Variants in AMPH observed in about 807,000 individuals in gnomAD.
AMPH encodes the protein amphiphysin (Stiff-Mann syndrome with breast cancer 128kD autoantigen).
In AMPH, 49 loss-of-function variants were observed where a neutral mutation model predicts 99.1. The observed-to-expected ratio is 0.49, with a 90% CI of 0.39 to 0.63. AMPH has a LOEUF of 0.63. Among genes scored for constraint, AMPH ranks in the 20% least tolerant of loss-of-function variants. The probability of loss-of-function intolerance (pLI) is 0.00; values close to 1 mark genes in which losing one functional copy is unlikely to be tolerated. For synonymous variants in AMPH, 314 were observed against 317.3 expected (o/e 0.99, Z 0.11); for missense variants, 759 against 863.4 (o/e 0.88, Z 1.52).
intron 14 of AMPH, 45 bp from the exon 15 acceptor site, chr7:38,427,031 C>T: frequency 6.4e-7 from 1 of 1,556,250 alleles, no homozygotes; most frequent in Non-Finnish European, 8.9e-7. Context: ...TTTTCATTAT[C>T]ATTTTGTAGG....
At chr7:38,452,746 G>T (rs1165636687) in intron 11 of AMPH, among the ~76,000 whole-genome samples, 1 of 152,170 alleles carries the variant, frequency 6.6e-6, no homozygotes. Context: ...TTAAACAGTG[G>T]CTCCCACAGT....
Position 38,468,719 on chromosome 7 carries a change from G to C in AMPH, c.591-2471C>G, listed in dbSNP as rs550944903. Among the ~76,000 whole-genome samples the C allele has an allele frequency of 6.6e-5, 10 of 152,300 alleles. No individual in the cohort carries two copies. In the South Asian group the frequency reaches 2.1e-3, roughly 32 times the overall value. On this transcript the variant is annotated intron_variant, in intron 7 of 20. Transcript: ENST00000356264. The stretch of plus-strand genomic sequence containing the variant: ...TTCACTATTACAGCCCTAGCACCTA[G>C]TACACGGCAAGCATGAGTAAATGAA...
At chr7:38,594,081 C>T (rs1792961394) in intron 1 of AMPH, among the ~76,000 whole-genome samples, 2 of 151,938 alleles carry the variant, frequency 1.3e-5, no homozygotes, top group Non-Finnish European at 2.9e-5. Flanking sequence ...CAGGGGGTCA[C>T]GGGAAGAAGC....
chr7:38,441,338 A>G (rs1243022383), intron 11 of AMPH, among the ~76,000 whole-genome samples: 2 of 152,150 alleles, frequency 1.3e-5, no homozygotes, highest in Non-Finnish European at 2.9e-5. Flanking sequence ...AAAATAAGCA[A>G]TGGTATAAAA....
chr7:38,529,773 A>C (rs1389738257), intron 2 of AMPH, among the ~76,000 whole-genome samples: 1 of 152,272 alleles, frequency 6.6e-6, no homozygotes, highest in African/African-American at 2.4e-5. Flanking sequence ...ATACATTAAT[A>C]TATTCACATC....
At chr7:38,395,641 A>T (rs1326773194) in intron 17 of AMPH, among the ~76,000 whole-genome samples, 6 of 152,214 alleles carry the variant, frequency 3.9e-5, no homozygotes, top group Admixed American at 3.9e-4. Context: ...CGGGACACAT[A>T]TTTCAAAAAT....
At chr7:38,531,878 T>G (rs932735932) in intron 2 of AMPH, among the ~76,000 whole-genome samples, 5 of 152,222 alleles carry the variant, frequency 3.3e-5, no homozygotes, top group Non-Finnish European at 7.3e-5. Context: ...TTAGAGTATG[T>G]AGCCTTTAGA....
At chr7:38,562,427 AGCATCAAGAAGGAATC>A (rs1308414943) in intron 1 of AMPH, among the ~76,000 whole-genome samples, 2 of 152,344 alleles carry the variant, frequency 1.3e-5, no homozygotes, top group East Asian at 3.9e-4. Flanking sequence ...ATACTTTGAC[AGCATCAAGAAGGAATC>A]GCTAGTTCAT....
chr7:38,384,855 C>G lies in AMPH; in HGVS notation c.2051G>C (p.Gly684Ala), dbSNP rs780237235. Residue 684 changes from glycine to alanine, a missense_variant, in exon 21 of 21, where the codon GGC (glycine) becomes GCC (alanine). This residue lies in a region of AMPH where 554 missense variants were observed against 575.6 expected (regional missense o/e 0.96). Coordinates refer to ENST00000356264, the MANE Select transcript of AMPH (RefSeq NM_001635.4). ...LQYRDLATYK[G>A]LFPENFTRRL... ...TCGGGTGAAGTTCTCTGGAAAGAGG[C>G]CTTTGTAGGTGGCAAGGTCTCTGTA... 3 of 1,613,972 alleles carry G rather than the reference C, an allele frequency of 1.9e-6. No homozygotes were observed. Among genetic ancestry groups the G allele is most frequent in the Admixed American group, 3.3e-5 (2 of 60,018 alleles).
intron 5 of AMPH, among the ~76,000 whole-genome samples, chr7:38,488,462 G>C (rs758452114): frequency 2.6e-5 from 4 of 151,126 alleles, no homozygotes; most frequent in Non-Finnish European, 4.4e-5. Flanking sequence ...CTCATAAGTG[G>C]GGGCTGAACA....
chr7:38,494,424 A>G lies in AMPH; in HGVS notation c.300+9T>C. The G allele has an allele frequency of 6.2e-7, 1 of 1,613,244 alleles. No homozygotes were observed. Among genetic ancestry groups the G allele is most frequent in the Non-Finnish European group, 8.5e-7 (1 of 1,179,342 alleles). On this transcript the variant is annotated intron_variant, in intron 4 of 20. Transcript: ENST00000356264. ...GTGGGAGCCTCATGGAAGCCACCCC[A>G]GCTCTTACCTCACCAACCATTTTCA... is the stretch of plus-strand genomic sequence containing the variant.
At chr7:38,441,803 T>TATCTATCATATCTATC (rs1584096578) in intron 11 of AMPH, among the ~76,000 whole-genome samples, 1 of 64,326 alleles carries the variant, frequency 1.6e-5, no homozygotes, top group South Asian at 6.7e-4. Context: ...ATATATCATA[T>TATCTATCATATCTATC]ATATATCATA....
In AMPH at chr7:38,406,731, C is replaced by CTCTCTCTCTCTCTCTCTCTCT. The variant is rs1562732477; in HGVS notation, c.1398+11093_1398+11094insAGAGAGAGAGAGAGAGAGAGA. ...CTCCTCTCCTCTCTCTCTCCCTTTC[C>CTCTCTCTCTCTCTCTCTCTCT]CTCTCTCTCTCTCTCTCTCTCTCTC... On this transcript the variant is annotated intron_variant, in intron 17 of 20. Coordinates refer to ENST00000356264, the MANE Select transcript of AMPH (RefSeq NM_001635.4). 1.1e-4 allele frequency among the ~76,000 whole-genome samples: 9 copies of CTCTCTCTCTCTCTCTCTCTCT among 80,582 alleles called. 1 individual carries two copies. The highest frequency in any genetic ancestry group is 8.3e-4 in the East Asian group (2 of 2,414). 52.9% of individuals were successfully genotyped at this position (80,582 alleles called of 152,430 possible).
At chr7:38,390,725 T>G (rs973415818) in intron 19 of AMPH, among the ~76,000 whole-genome samples, 9 of 152,200 alleles carry the variant, frequency 5.9e-5, no homozygotes, top group Admixed American at 5.9e-4. Context: ...TGCCTTAGGT[T>G]ATTCTACAGT....
At chr7:38,551,165 A>G (rs1194140869) in intron 1 of AMPH, among the ~76,000 whole-genome samples, 1 of 152,138 alleles carries the variant, frequency 6.6e-6, no homozygotes. Context: ...CAAGCAGGGG[A>G]TTTTAACATC....
chr7:38,447,778 A>C (rs1554337930), intron 11 of AMPH, among the ~76,000 whole-genome samples: 45,881 of 148,332 alleles, frequency 0.31, 7,827 homozygotes, highest in Non-Finnish European at 0.41. Context: ...ACACACACAC[A>C]CCCATACACA....
chr7:38,427,815 A>G (rs998795352), intron 14 of AMPH: 7 of 443,688 alleles, frequency 1.6e-5, no homozygotes, highest in African/African-American at 1.4e-4. Flanking sequence ...TGGCTAGTCT[A>G]TGCTACAGAC....
intron 1 of AMPH, among the ~76,000 whole-genome samples, chr7:38,613,774 G>A (rs1295910977): frequency 1.3e-5 from 2 of 149,486 alleles, no homozygotes; most frequent in African/African-American, 2.5e-5. Context: ...GTAAACCTTA[G>A]GACAGAGGTT....
At chr7:38,468,113 G>A (rs1787735460) in intron 7 of AMPH, among the ~76,000 whole-genome samples, 1 of 152,168 alleles carries the variant, frequency 6.6e-6, no homozygotes, top group Non-Finnish European at 1.5e-5. Flanking sequence ...AAGCACTGAT[G>A]TTCACCGTCA....
Sources: gnomAD v4.1 joint callset for allele counts (sites outside exome capture counted in the v4.1 genomes callset) on GRCh38, gnomAD v4.1.1 for gene constraint, gnomAD v4.1.1 regional missense constraint, MANE v1.5 for transcripts, NCBI Gene and HGNC (gene_info 2026-07-23, HGNC 2026-07-21) for gene names.